Variants in RACK1 observed in about 807,000 individuals in gnomAD.
RACK1 encodes small ribosomal subunit protein RACK1.
Under a neutral mutation model 42.2 loss-of-function variants are expected in RACK1, and 3 were observed. The observed-to-expected ratio is 0.07, with a 90% CI of 0.03 to 0.18. The LOEUF (loss-of-function observed/expected upper bound fraction) is 0.18. Ranked by LOEUF, RACK1 falls within the 10% of genes least tolerant of loss-of-function variation. The probability of loss-of-function intolerance (pLI) is 1.00; values close to 1 mark genes in which losing one functional copy is unlikely to be tolerated. For missense variants in RACK1, 146 were observed against 403.2 expected (o/e 0.36, Z 5.46); for synonymous variants, 181 against 154.8 (o/e 1.17, Z -1.25).
chr5:181,239,469 C>A lies in RACK1; in HGVS notation c.525+18G>T, dbSNP rs781666486. ...CACACCCTGACTGGTAAAGCCCCTG[C>A]CTTGGCTTGACGCTCACCTTGACCA... On this transcript the variant is annotated intron_variant, in intron 4 of 7. Coordinates refer to ENST00000512805, the MANE Select transcript of RACK1 (RefSeq NM_006098.5). The A allele has an allele frequency of 6.3e-7, 1 of 1,584,464 alleles. No homozygotes were observed. Among genetic ancestry groups the A allele is most frequent in the East Asian group, 2.2e-5 (1 of 44,758 alleles).
chr5:181,242,678 C>A (rs570297112), intron 1 of RACK1: 108 of 380,996 alleles, frequency 2.8e-4, no homozygotes, highest in African/African-American at 2.1e-3. Flanking sequence ...CCGCCTCAGC[C>A]TCCCAAGTAG....
chr5:181,238,881 T>G, intron 5 of RACK1, 186 bp downstream of exon 5: 2 of 671,334 alleles, frequency 3.0e-6, no homozygotes, highest in Non-Finnish European at 5.5e-6. Context: ...TTCTTCCAGA[T>G]AGTATGCCTT....
intron 7 of RACK1, chr5:181,237,303 G>A: frequency 1.4e-6 from 1 of 732,170 alleles, no homozygotes. Flanking sequence ...CAGCTTGTAA[G>A]TGGTGGTTAT....
In RACK1 at chr5:181,241,445, C is replaced by CAAAAAAAAAAAAAAAAAAAA. The variant is rs747923720; in HGVS notation, c.429+46_429+47insTTTTTTTTTTTTTTTTTTTT. 1.3e-5 allele frequency: 16 copies of CAAAAAAAAAAAAAAAAAAAA among 1,209,754 alleles called. No homozygotes were observed. The African/African-American group carries it at 3.0e-4, about 23-fold the overall frequency. 74.9% of individuals were successfully genotyped at this position (1,209,754 alleles called of 1,614,324 possible). ...TGTCGCCAAAAAAAAAAAAAAAAAG[C>CAAAAAAAAAAAAAAAAAAAA]AAAGTTTAAGAGGGTGGAAGAGATC... On this transcript the variant is annotated intron_variant, in intron 3 of 7. Transcript: ENST00000512805.
rs763566484 is a variant in RACK1, at chr5:181,243,639, C to T, written c.109+53G>A. 4 of 1,543,872 alleles carry T rather than the reference C, an allele frequency of 2.6e-6. No individual in the cohort carries two copies. The East Asian group carries it at 9.7e-5, about 38-fold the overall frequency. On this transcript the variant is annotated intron_variant, in intron 1 of 7. Coordinates refer to ENST00000512805, the MANE Select transcript of RACK1 (RefSeq NM_006098.5). ...CACGCGGAATTCCCTACACGACACGCGGAATCCCCCAGCCCTGCAATCTCG... is the reference window on the plus strand; with the variant it reads ...CACGCGGAATTCCCTACACGACACGTGGAATCCCCCAGCCCTGCAATCTCG...
In RACK1 at chr5:181,243,472, G is replaced by A. The variant is rs1360960201; in HGVS notation, c.109+220C>T. Reference sequence around the variant, plus strand: ...TCTCCAACCCTCCTAGCAGCTGCGAGCTGATGTACACGTAGGTTCTCATCT... The same window carrying A: ...TCTCCAACCCTCCTAGCAGCTGCGAACTGATGTACACGTAGGTTCTCATCT... On this transcript the variant is annotated intron_variant, in intron 1 of 7. Coordinates refer to ENST00000512805, the MANE Select transcript of RACK1 (RefSeq NM_006098.5). The A allele has an allele frequency of 1.0e-5, 15 of 1,474,158 alleles. No homozygotes were observed. In the South Asian group the frequency reaches 1.3e-4, roughly 13 times the overall value. 91.3% of individuals were successfully genotyped at this position (1,474,158 alleles called of 1,614,324 possible). A position where few individuals can be genotyped will look rare whatever the true frequency, so the allele number is the denominator to read the frequency against.
At chr5:181,238,560 T>C in intron 5 of RACK1, 1 of 345,568 alleles carries the variant, frequency 2.9e-6, no homozygotes, top group South Asian at 2.4e-5. Context: ...ATCCCAGCAC[T>C]TTGGGAAGCC....
rs781177385 is a variant in RACK1 at position 181,241,651 on chromosome 5, G to T, written c.282-12C>A. 6.2e-7 allele frequency: 1 copy of T among 1,613,744 alleles called. No individual in the cohort carries two copies. Among genetic ancestry groups the T allele is most frequent in the Non-Finnish European group, 8.5e-7 (1 of 1,179,776 alleles). ...TCGTGGTGGTGCCCCTGAGAGGGAG[G>T]AGTTTGTCATTCTCAGACTTAGCAA... On this transcript the variant is annotated splice_polypyrimidine_tract_variant and intron_variant, in intron 2 of 7. Transcript: ENST00000512805.
At position 181,237,053 on chromosome 5, in the gene RACK1, GA is replaced by G. The variant is rs1281274573; in HGVS notation, c.889-12del. 1 of 1,613,416 alleles carries G rather than the reference GA, an allele frequency of 6.2e-7. No individual in the cohort carries two copies. The highest frequency in any genetic ancestry group is 8.5e-7 in the Non-Finnish European group (1 of 1,179,864). ...GCCAGCAAACAGAGTCTGCAGGGAA[GA>G]AATGACAGTGACAGGTCAGGCTGGC... is the stretch of plus-strand genomic sequence containing the variant. On this transcript the variant is annotated splice_polypyrimidine_tract_variant and intron_variant, in intron 7 of 7. Transcript: ENST00000512805.
rs1484657940 is a variant in RACK1 at position 181,237,750 on chromosome 5, C to T, written c.778-31G>A. The T allele has an allele frequency of 4.3e-6, 5 of 1,150,790 alleles. No individual in the cohort carries two copies. The Admixed American group carries it at 5.2e-5, about 12-fold the overall frequency. The allele number at this position is 1,150,790 out of a possible 1,614,324, so 71.3% of individuals were successfully genotyped here. On this transcript the variant is annotated intron_variant, in intron 6 of 7. Transcript: ENST00000512805. Reference sequence around the variant, plus strand: ...GAACAGGGCAAAAGCAACCTTAAGACTTACCAATCAAGAGAGTCTCCTCTT... The same window carrying T: ...GAACAGGGCAAAAGCAACCTTAAGATTTACCAATCAAGAGAGTCTCCTCTT...
rs540090359 is a variant in RACK1, at chr5:181,242,839, G to A, written c.110-494C>T. The stretch of plus-strand genomic sequence containing the variant: ...CTTCCAAAGTGCTGGGATTATAGGC[G>A]TGAGCCACCGCGCCCAGCCTGTATC... On this transcript the variant is annotated intron_variant, in intron 1 of 7. Transcript: ENST00000512805. The A allele has an allele frequency of 8.6e-4, 281 of 327,586 alleles. 2 individuals are homozygous for A. Among genetic ancestry groups the A allele is most frequent in the Non-Finnish European group, 1.2e-3 (204 of 168,062 alleles). 20.3% of individuals were successfully genotyped at this position (327,586 alleles called of 1,614,324 possible). A position where few individuals can be genotyped will look rare whatever the true frequency, so the allele number is the denominator to read the frequency against.
Position 181,241,571 on chromosome 5 carries a change from T to C in RACK1, c.350A>G (p.Asn117Ser). The change falls in exon 3 of 8, where the codon AAC becomes AGC. Residue 117 changes from asparagine to serine, a missense_variant. Asn to Ser is a conservative substitution (Grantham distance 46, BLOSUM62 1). Transcript: ENST00000512805. The stretch of plus-strand genomic sequence containing the variant: ...TCGAGATCCAGAGACAATCTGCCGG[T>C]TGTCAGAGGAGAAGGCCACACTCAG... Reference protein sequence around the residue: ...DVLSVAFSSDNRQIVSGSRDK... With the variant: ...DVLSVAFSSDSRQIVSGSRDK... The C allele has an allele frequency of 6.2e-7, 1 of 1,614,052 alleles. No homozygotes were observed. Among genetic ancestry groups the C allele is most frequent in the Non-Finnish European group, 8.5e-7 (1 of 1,179,922 alleles).
chr5:181,243,503 G>A (rs1010542562), intron 1 of RACK1, 189 bp downstream of exon 1: 4 of 1,430,946 alleles, frequency 2.8e-6, no homozygotes, highest in African/African-American at 1.4e-5. Context: ...CATCTGCAAT[G>A]TGGTTCGCCC....
intron 1 of RACK1, 118 bp downstream of exon 1, chr5:181,243,574 C>A: frequency 2.1e-6 from 3 of 1,422,968 alleles, no homozygotes; most frequent in South Asian, 2.7e-5. Flanking sequence ...AGAAGTCTGT[C>A]AGTCCCCGCC....
chr5:181,243,626 C>T (rs1759442083), intron 1 of RACK1, 66 bp downstream of exon 1: 2 of 1,533,360 alleles, frequency 1.3e-6, no homozygotes, highest in Non-Finnish European at 1.8e-6. Context: ...CGCGGAATTC[C>T]CTACACGACA....
chr5:181,243,029 G>C, intron 1 of RACK1: 1 of 354,112 alleles, frequency 2.8e-6, no homozygotes, highest in East Asian at 7.6e-5. Context: ...CAGAAATGTA[G>C]TAATGAATGC....
rs73365992 is a variant in RACK1, at chr5:181,239,241, C to T, written c.526-64G>A. Reference sequence around the variant, plus strand: ...CTTGATGAGCTAGGGTCAGGCCCAACAAAAAAGGGCTTGGCACTTCTGGAT... The same window carrying T: ...CTTGATGAGCTAGGGTCAGGCCCAATAAAAAAGGGCTTGGCACTTCTGGAT... On this transcript the variant is annotated intron_variant, in intron 4 of 7. Coordinates refer to ENST00000512805, the MANE Select transcript of RACK1 (RefSeq NM_006098.5). The T allele has an allele frequency of 3.7e-3, 3,956 of 1,082,568 alleles. 86 individuals are homozygous for T. In the African/African-American group the frequency reaches 0.053, roughly 14 times the overall value. 67.1% of individuals were successfully genotyped at this position (1,082,568 alleles called of 1,614,324 possible). A position where few individuals can be genotyped will look rare whatever the true frequency, so the allele number is the denominator to read the frequency against.
rs757712341 is a variant in RACK1, at chr5:181,241,925, CAAGGTAAAA to C, written c.281+240_281+248del. On this transcript the variant is annotated intron_variant, in intron 2 of 7. Coordinates refer to ENST00000512805, the MANE Select transcript of RACK1 (RefSeq NM_006098.5). ...TCCACCTGCCAATTACCTGAGCTTT[CAAGGTAAAA>C]CATGTTCAAACTGCTGCCCACTCAG... The C allele has an allele frequency of 3.9e-6, 3 of 767,196 alleles. No individual in the cohort carries two copies. The East Asian group carries it at 7.3e-5, about 19-fold the overall frequency. 47.5% of individuals were successfully genotyped at this position (767,196 alleles called of 1,614,324 possible). A position where few individuals can be genotyped will look rare whatever the true frequency, so the allele number is the denominator to read the frequency against.
Position 181,243,717 on chromosome 5 carries a change from C to A in RACK1, c.84G>T (p.Pro28=). 1 of 1,608,212 alleles carries A rather than the reference C, an allele frequency of 6.2e-7. No homozygotes were observed. The highest frequency in any genetic ancestry group is 8.5e-7 in the Non-Finnish European group (1 of 1,177,432). Residue 28 remains proline, a synonymous_variant, in exon 1 of 8, where the codon CCG becomes CCT. Transcript: ENST00000512805. ...VTQIATTPQF[P]DMILSASRDK... is the part of the protein sequence containing the mutation. The stretch of plus-strand genomic sequence containing the variant: ...CTCGAGAGGCGGAGAGGATCATGTC[C>A]GGGAACTGCGGGGTAGTAGCGATCT...
Sources: gnomAD v4.1 joint callset for allele counts on GRCh38, gnomAD v4.1.1 for gene constraint, MANE v1.5 for transcripts, NCBI Gene and HGNC (gene_info 2026-07-23, HGNC 2026-07-21) for gene names.